NEGR1: variants seen among roughly 807,000 people sequenced by gnomAD.
NEGR1 encodes IgLON family member 4.
A neutral mutation model predicts 40.9 loss-of-function variants in NEGR1; 10 were observed. The ratio of observed to expected loss-of-function variants is 0.24; its 90% CI spans 0.15 to 0.42. The LOEUF is 0.42. NEGR1 is among the 10% of genes least tolerant of loss of function. The probability of loss-of-function intolerance (pLI) is 1.00; values close to 1 mark genes in which losing one functional copy is unlikely to be tolerated. For missense variants in NEGR1, 352 were observed against 438.9 expected (o/e 0.80, Z 1.77); for synonymous variants, 185 against 166.8 (o/e 1.11, Z -0.84).
At chr1:71,722,033 C>T (rs1037288134) in intron 3 of NEGR1, among the ~76,000 whole-genome samples, 3 of 152,008 alleles carry the variant, frequency 2.0e-5, no homozygotes, top group Admixed American at 6.6e-5. Flanking sequence ...TAGGGTAAGA[C>T]GTTTTTATTT....
At chr1:72,095,394 T>C (rs781608311) in intron 1 of NEGR1, among the ~76,000 whole-genome samples, 1 of 152,088 alleles carries the variant, frequency 6.6e-6, no homozygotes, top group African/African-American at 2.4e-5. Flanking sequence ...TTACATTGCT[T>C]TCAAGAGTAT....
chr1:71,818,795 AG>A (rs1315478361), intron 2 of NEGR1, among the ~76,000 whole-genome samples: 5 of 152,022 alleles, frequency 3.3e-5, no homozygotes, highest in African/African-American at 1.2e-4. Context: ...GTGACAGCCA[AG>A]GAATCCTGAC....
intron 1 of NEGR1, among the ~76,000 whole-genome samples, chr1:72,272,600 T>G (rs945779939): frequency 6.6e-6 from 1 of 151,934 alleles, no homozygotes; most frequent in Non-Finnish European, 1.5e-5. Flanking sequence ...AAATTTAACT[T>G]AGTTGCATGA....
chr1:71,688,325 T>TATATATATATATATATATAG (rs1475341609), intron 4 of NEGR1, among the ~76,000 whole-genome samples: 76 of 103,194 alleles, frequency 7.4e-4, no homozygotes, highest in Non-Finnish European at 9.7e-4. Flanking sequence ...TATATATATA[T>TATATATATATATATATATAG]ATAGATAGAT....
At chr1:72,266,483 T>G (rs1384764373) in intron 1 of NEGR1, among the ~76,000 whole-genome samples, 1 of 150,810 alleles carries the variant, frequency 6.6e-6, no homozygotes, top group Non-Finnish European at 1.5e-5. Flanking sequence ...CAAAGGCAAT[T>G]AAGGTAACAG....
intron 1 of NEGR1, among the ~76,000 whole-genome samples, chr1:72,004,592 C>G (rs918838843): frequency 1.4e-4 from 21 of 152,104 alleles, no homozygotes; most frequent in African/African-American, 4.8e-4. Context: ...CCTAGAATAT[C>G]AAACTTTTAA....
chr1:71,906,795 C>T (rs769457403), intron 2 of NEGR1, among the ~76,000 whole-genome samples: 4 of 152,104 alleles, frequency 2.6e-5, no homozygotes, highest in Admixed American at 1.3e-4. Context: ...TTCACATCTG[C>T]TAACTTAGAT....
rs754424709 is a variant in NEGR1 at position 71,611,105 on chromosome 1, G to C, written c.709C>G (p.Pro237Ala). ...CATCTTATCAGGCCACTGCGTCCGG[G>C]GGTCACGGTGCCAGATTTAATTTCC... ...IQEIKSGTVT[P>A]GRSGLIRCEG... The change falls in exon 5 of 7, where the codon CCC (proline) becomes GCC (alanine). Residue 237 changes from proline (P) to alanine (A), a missense_variant. Pro to Ala is a conservative substitution (Grantham distance 27, BLOSUM62 -1). Coordinates refer to ENST00000357731, the MANE Select transcript of NEGR1 (RefSeq NM_173808.3). 1 of 1,613,832 alleles carries C rather than the reference G, an allele frequency of 6.2e-7. No homozygotes were observed. The highest frequency in any genetic ancestry group is 1.1e-5 in the South Asian group (1 of 91,080).
At chr1:71,949,276 T>C (rs1269145477) in intron 1 of NEGR1, among the ~76,000 whole-genome samples, 1 of 152,138 alleles carries the variant, frequency 6.6e-6, no homozygotes, top group East Asian at 1.9e-4. Context: ...AAGCTATCCC[T>C]GACATTTCCA....
chr1:71,542,936 T>C (rs921116887), intron 6 of NEGR1, among the ~76,000 whole-genome samples: 1 of 151,714 alleles, frequency 6.6e-6, no homozygotes, highest in African/African-American at 2.4e-5. Flanking sequence ...CAACTGTGTG[T>C]ACGTATATAT....
chr1:72,187,570 T>C (rs1652657251), intron 1 of NEGR1, among the ~76,000 whole-genome samples: 1 of 151,456 alleles, frequency 6.6e-6, no homozygotes, highest in South Asian at 2.1e-4. Context: ...TTCTTTTGTA[T>C]TGAATGCCCA....
At chr1:72,056,892 T>A (rs1441150608) in intron 1 of NEGR1, among the ~76,000 whole-genome samples, 1 of 151,556 alleles carries the variant, frequency 6.6e-6, no homozygotes, top group Non-Finnish European at 1.5e-5. Flanking sequence ...TTTGTGTAAT[T>A]CCACATAGTT....
chr1:71,705,841 A>G (rs187800876), intron 3 of NEGR1, among the ~76,000 whole-genome samples: 1 of 151,950 alleles, frequency 6.6e-6, no homozygotes, highest in East Asian at 1.9e-4. Context: ...AGAAAGAGAG[A>G]GAGAAGGAAG....
At chr1:71,974,173 T>G (rs1295000228) in intron 1 of NEGR1, among the ~76,000 whole-genome samples, 2 of 152,290 alleles carry the variant, frequency 1.3e-5, no homozygotes, top group Middle Eastern at 3.4e-3. Context: ...ATTAGCCACA[T>G]TACTTCAGGA....
chr1:71,982,860 G>T (rs907223559), intron 1 of NEGR1, among the ~76,000 whole-genome samples: 9 of 152,158 alleles, frequency 5.9e-5, no homozygotes, highest in Middle Eastern at 6.8e-3. Flanking sequence ...TACCTGAAGG[G>T]CTAAACATGC....
In NEGR1 at chr1:72,248,579, TTA is replaced by T. The variant is rs770371023; in HGVS notation, c.176+33738_176+33739del. Among the ~76,000 whole-genome samples the T allele has an allele frequency of 2.0e-3, 217 of 107,134 alleles. 1 individual carries two copies. Among genetic ancestry groups the T allele is most frequent in the Middle Eastern group, 0.013 (3 of 224 alleles). 70.3% of individuals were successfully genotyped at this position (107,134 alleles called of 152,430 possible). A position where few individuals can be genotyped will look rare whatever the true frequency, so the allele number is the denominator to read the frequency against. On this transcript the variant is annotated intron_variant, in intron 1 of 6. Transcript: ENST00000357731. ...AGCCTGAGACTTCTATTTTTATTTA[TTA>T]TTATTATTATTATTATTATTATTAT...
chr1:71,730,112 C>A (rs74480638), intron 3 of NEGR1, among the ~76,000 whole-genome samples: 2,800 of 151,870 alleles, frequency 0.018, 53 homozygotes, highest in Non-Finnish European at 0.024. Flanking sequence ...AGGAGATCTC[C>A]TTTAAAAACT....
chr1:72,274,641 T>G, intron 1 of NEGR1: 3 of 845,240 alleles, frequency 3.5e-6, no homozygotes, highest in Non-Finnish European at 6.3e-6. Context: ...CCCAAGGATT[T>G]GCAAGGCTAA....
chr1:72,127,250 G>GC lies in NEGR1; in HGVS notation c.176+155068_176+155069insG, dbSNP rs1392879675. ...GAGGCCGAGGCGGGAAGATCACGAC[G>GC]TCAGGAGATTGAGACCATCCTGGCT... is the stretch of plus-strand genomic sequence containing the variant. On this transcript the variant is annotated intron_variant, in intron 1 of 6. Transcript: ENST00000357731. Among the ~76,000 whole-genome samples the GC allele has an allele frequency of 2.0e-5, 3 of 151,922 alleles. No homozygotes were observed. In the East Asian group the frequency reaches 5.8e-4, roughly 30 times the overall value.
Sources: gnomAD v4.1 joint callset for allele counts (sites outside exome capture counted in the v4.1 genomes callset) on GRCh38, gnomAD v4.1.1 for gene constraint, MANE v1.5 for transcripts, NCBI Gene and HGNC (gene_info 2026-07-23, HGNC 2026-07-21) for gene names.